The following LINC00305 variants were observed in gnomAD, a reference collection of about 807,000 sequenced individuals.
The protein encoded by LINC00305 is long independently transcribed non-coding RNA 305.
chr18:64,088,517 G>T (rs2051212838), intron 3 of LINC00305, among the ~76,000 whole-genome samples: 1 of 152,174 alleles, frequency 6.6e-6, no homozygotes, highest in South Asian at 2.1e-4. Context: ...TGCCTGCCTT[G>T]TCCATGTTCA....
At chr18:64,087,118 T>C (rs904770168) in intron 3 of LINC00305, among the ~76,000 whole-genome samples, 1 of 152,246 alleles carries the variant, frequency 6.6e-6, no homozygotes, top group African/African-American at 2.4e-5. Context: ...ATAATTATTA[T>C]ACACATGGAA....
intron 1 of LINC00305, among the ~76,000 whole-genome samples, chr18:64,140,669 C>T (rs1342197674): frequency 2.0e-5 from 3 of 152,102 alleles, no homozygotes; most frequent in Admixed American, 6.6e-5. Context: ...TCCACGTGGT[C>T]AACAGGATTT....
At chr18:64,089,091 A>G (rs2051215150) in intron 3 of LINC00305, among the ~76,000 whole-genome samples, 1 of 152,164 alleles carries the variant, frequency 6.6e-6, no homozygotes, top group Non-Finnish European at 1.5e-5. Flanking sequence ...ATATGGTTTG[A>G]TTCTGTGTCC....
rs142391168 is a variant in LINC00305, at chr18:64,092,693, C to T, written n.540+5141G>A. On this transcript the variant is annotated intron_variant and non_coding_transcript_variant, in intron 3 of 3. Transcript: ENST00000666468. ...TGTGAATGATACTGGGGTGATCTTC[C>T]CCAAGGGCCCAGTGAATTTTCTCCT... is the stretch of plus-strand genomic sequence containing the variant. 2.9e-3 allele frequency among the ~76,000 whole-genome samples: 443 copies of T among 152,230 alleles called. 1 individual carries two copies. The highest frequency in any genetic ancestry group is 9.9e-3 in the African/African-American group (412 of 41,540).
At chr18:64,108,083 T>C (rs890071232) in intron 1 of LINC00305, among the ~76,000 whole-genome samples, 1 of 152,220 alleles carries the variant, frequency 6.6e-6, no homozygotes, top group Non-Finnish European at 1.5e-5. Context: ...CAGGTTTCTA[T>C]TACTTATGGC....
intron 1 of LINC00305, among the ~76,000 whole-genome samples, chr18:64,131,443 A>G (rs2051409470): frequency 6.6e-6 from 1 of 152,222 alleles, no homozygotes; most frequent in South Asian, 2.1e-4. Flanking sequence ...CTAAATCTAC[A>G]TAGGAAAATT....
rs570449364 is a variant in LINC00305 at position 64,136,384 on chromosome 18, G to A, written n.314+12391C>T. Among the ~76,000 whole-genome samples, 341 of 152,268 alleles carry A rather than the reference G, an allele frequency of 2.2e-3. 2 individuals are homozygous for A. Among genetic ancestry groups the A allele is most frequent in the African/African-American group, 8.0e-3 (331 of 41,554 alleles). ...ACTCACAGTTCCATATGGCTGGGGA[G>A]GCCTCAGGAAACTTATAATCATGGC... On this transcript the variant is annotated intron_variant and non_coding_transcript_variant, in intron 1 of 3. Coordinates refer to ENST00000666468, the Ensembl canonical transcript of LINC00305.
Position 64,109,786 on chromosome 18 carries a change from C to T in LINC00305, n.315-11146G>A, listed in dbSNP as rs1043376382. The stretch of plus-strand genomic sequence containing the variant: ...ATGTAGCCATTTACTTTGTTCCGGC[C>T]GTTGGACATGGAAGAGGATTGATGT... On this transcript the variant is annotated intron_variant and non_coding_transcript_variant, in intron 1 of 3. Transcript: ENST00000666468. Among the ~76,000 whole-genome samples the T allele has an allele frequency of 5.9e-5, 9 of 152,104 alleles. No homozygotes were observed. In the East Asian group the frequency reaches 1.3e-3, roughly 23 times the overall value.
At chr18:64,118,736 T>C (rs966756665) in intron 1 of LINC00305, among the ~76,000 whole-genome samples, 1 of 152,118 alleles carries the variant, frequency 6.6e-6, no homozygotes, top group African/African-American at 2.4e-5. Context: ...TTATACTTAT[T>C]ATCTATGCAT....
intron 1 of LINC00305, among the ~76,000 whole-genome samples, chr18:64,137,514 G>C (rs2051440470): frequency 6.6e-6 from 1 of 152,150 alleles, no homozygotes; most frequent in Non-Finnish European, 1.5e-5. Context: ...TTTAAATTAT[G>C]AGCACATATG....
At chr18:64,094,469 G>C (rs1180766458) in intron 3 of LINC00305, among the ~76,000 whole-genome samples, 1 of 152,154 alleles carries the variant, frequency 6.6e-6, no homozygotes, top group Admixed American at 6.5e-5. Context: ...ATCAGCCCAG[G>C]GAAGATCCTC....
At chr18:64,110,569 AT>A (rs1410609202) in intron 1 of LINC00305, among the ~76,000 whole-genome samples, 1 of 152,100 alleles carries the variant, frequency 6.6e-6, no homozygotes, top group African/African-American at 2.4e-5. Flanking sequence ...AATGCTTGAG[AT>A]TTTTTTATGG....
intron 1 of LINC00305, among the ~76,000 whole-genome samples, chr18:64,143,760 C>CACATATTATGCGTACATGTATGTAT (rs2051482174): frequency 9.8e-6 from 1 of 102,244 alleles, no homozygotes; most frequent in African/African-American, 3.4e-5. Flanking sequence ...CATGTATGTA[C>CACATATTATGCGTACATGTATGTAT]ACATATTATG....
chr18:64,081,007 ATCTGTGTGTG>A (rs1397438675), intron 3 of LINC00305, among the ~76,000 whole-genome samples: 3 of 152,226 alleles, frequency 2.0e-5, no homozygotes. Flanking sequence ...GATACAAATT[ATCTGTGTGTG>A]TCTGTGTGTT....
chr18:64,114,316 T>G (rs1705315420), intron 1 of LINC00305, among the ~76,000 whole-genome samples: 1 of 152,172 alleles, frequency 6.6e-6, no homozygotes, highest in African/African-American at 2.4e-5. Flanking sequence ...TGCCTGTATA[T>G]TTAGGAATGT....
intron 1 of LINC00305, among the ~76,000 whole-genome samples, chr18:64,119,519 A>T (rs1214293212): frequency 1.3e-5 from 2 of 152,198 alleles, no homozygotes; most frequent in African/African-American, 4.8e-5. Flanking sequence ...GATGAAATAG[A>T]CACTGGTGTT....
intron 1 of LINC00305, among the ~76,000 whole-genome samples, chr18:64,114,001 G>A (rs2051326459): frequency 6.6e-6 from 1 of 152,224 alleles, no homozygotes; most frequent in African/African-American, 2.4e-5. Context: ...TGGGCGCGTT[G>A]GCTCATGCCT....
chr18:64,117,683 C>T (rs1232518212), intron 1 of LINC00305, among the ~76,000 whole-genome samples: 1 of 152,118 alleles, frequency 6.6e-6, no homozygotes, highest in Non-Finnish European at 1.5e-5. Flanking sequence ...CCTTTTACCC[C>T]ACTGGTTCAC....
chr18:64,093,509 G>GTT (rs907757479), intron 3 of LINC00305, among the ~76,000 whole-genome samples: 2 of 151,906 alleles, frequency 1.3e-5, no homozygotes, highest in African/African-American at 4.8e-5. Flanking sequence ...TAATTTTTGT[G>GTT]TTTTTATAGA....
Sources: gnomAD v4.1 joint callset for allele counts (sites outside exome capture counted in the v4.1 genomes callset) on GRCh38, gnomAD v4.1.1 for gene constraint, MANE v1.5 for transcripts, NCBI Gene and HGNC (gene_info 2026-07-23, HGNC 2026-07-21) for gene names.